The following DPYD variants were observed in gnomAD, a reference collection of about 807,000 sequenced individuals.
DPYD encodes dihydropyrimidine dehydrogenase [NADP(+)].
A neutral mutation model predicts 116.2 loss-of-function variants in DPYD; 109 were observed. The observed-to-expected ratio is 0.94, with a 90% CI of 0.80 to 1.10. DPYD has a LOEUF of 1.10. DPYD is among the 50% of genes least tolerant of loss of function. The pLI is 0.00. For missense variants in DPYD, 1,302 were observed against 1,254.5 expected (o/e 1.04, Z -0.57); for synonymous variants, 440 against 432.0 (o/e 1.02, Z -0.23).
chr1:97,142,595 A>G (rs573542674), intron 20 of DPYD, among the ~76,000 whole-genome samples: 25 of 152,170 alleles, frequency 1.6e-4, no homozygotes, highest in Admixed American at 3.3e-4. Context: ...ACTTTCCTTC[A>G]TCAGTAGTAG....
In DPYD at chr1:97,689,068, CT is replaced by C. The variant is rs200273261; in HGVS notation, c.762+2648del. 5.5e-3 allele frequency among the ~76,000 whole-genome samples: 775 copies of C among 142,060 alleles called. 1 individual carries two copies. Among genetic ancestry groups the C allele is most frequent in the African/African-American group, 0.011 (429 of 38,912 alleles). 93.2% of individuals were successfully genotyped at this position (142,060 alleles called of 152,430 possible). On this transcript the variant is annotated intron_variant, in intron 7 of 22. Transcript: ENST00000370192. ...AAAAAGAATTCCATGTATTATACCTCTTTTTTTTTTTAACATACTAGATATT... is the reference window on the plus strand; with the variant it reads ...AAAAAGAATTCCATGTATTATACCTCTTTTTTTTTTAACATACTAGATATT...
intron 20 of DPYD, among the ~76,000 whole-genome samples, chr1:97,137,212 A>G (rs1050022236): frequency 6.6e-6 from 1 of 152,224 alleles, no homozygotes; most frequent in African/African-American, 2.4e-5. Flanking sequence ...TACACCAGAC[A>G]CGGGCCTCAA....
chr1:97,631,916 C>T (rs533358226), intron 8 of DPYD, among the ~76,000 whole-genome samples: 34 of 151,736 alleles, frequency 2.2e-4, no homozygotes, highest in Non-Finnish European at 3.1e-4. Flanking sequence ...TTTAAAGACC[C>T]CTTTGAAATT....
intron 18 of DPYD, among the ~76,000 whole-genome samples, chr1:97,239,182 C>G (rs1013178393): frequency 3.9e-5 from 6 of 152,064 alleles, no homozygotes; most frequent in Admixed American, 6.6e-5. Context: ...CTTAGATAAA[C>G]TACACAGAAC....
chr1:97,816,779 T>C (rs1470189280), intron 3 of DPYD, among the ~76,000 whole-genome samples: 1 of 152,170 alleles, frequency 6.6e-6, no homozygotes, highest in East Asian at 1.9e-4. Context: ...GTTTAATTCC[T>C]AATCACACTA....
At chr1:97,129,069 C>CTTTT (rs532541559) in intron 20 of DPYD, among the ~76,000 whole-genome samples, 4 of 135,004 alleles carry the variant, frequency 3.0e-5, no homozygotes, top group African/African-American at 8.0e-5. Flanking sequence ...CTGCTGTATT[C>CTTTT]TTTTTTTTTT....
chr1:97,895,855 T>C (rs1000269167), intron 1 of DPYD, among the ~76,000 whole-genome samples: 6 of 151,784 alleles, frequency 4.0e-5, no homozygotes, highest in African/African-American at 1.4e-4. Flanking sequence ...ATTTAAACAG[T>C]AGTATTAGCT....
At chr1:97,556,404 T>C (rs1651715278) in intron 11 of DPYD, among the ~76,000 whole-genome samples, 1 of 151,200 alleles carries the variant, frequency 6.6e-6, no homozygotes, top group East Asian at 1.9e-4. Flanking sequence ...GTGCACATTG[T>C]GCAGGTTAGT....
Position 97,376,887 on chromosome 1 carries a change from G to GTGTGTGTGTATATATATATATATA in DPYD, c.1975-3244_1975-3243insTATATATATATATATACACACACA. ...AGTTTGTGTGTGTGTGTGTGTGTGT[G>GTGTGTGTGTATATATATATATATA]TATATATATATATATGGTGTGGACT... is the stretch of plus-strand genomic sequence containing the variant. On this transcript the variant is annotated intron_variant, in intron 15 of 22. Transcript: ENST00000370192. Among the ~76,000 whole-genome samples, 8 of 128,450 alleles carry GTGTGTGTGTATATATATATATATA rather than the reference G, an allele frequency of 6.2e-5. No homozygotes were observed. The East Asian group carries it at 7.8e-4, about 12-fold the overall frequency. 84.3% of individuals were successfully genotyped at this position (128,450 alleles called of 152,430 possible). A position where few individuals can be genotyped will look rare whatever the true frequency, so the allele number is the denominator to read the frequency against.
Position 97,412,119 on chromosome 1 carries a change from T to C in DPYD, c.1906-29658A>G, listed in dbSNP as rs554407511. Among the ~76,000 whole-genome samples, 3 of 152,310 alleles carry C rather than the reference T, an allele frequency of 2.0e-5. No homozygotes were observed. In the East Asian group the frequency reaches 5.8e-4, roughly 29 times the overall value. On this transcript the variant is annotated intron_variant, in intron 14 of 22. Coordinates refer to ENST00000370192, the MANE Select transcript of DPYD (RefSeq NM_000110.4). ...AATTCAACTAGTCATTTCATAATTT[T>C]TTTCTAATGTGAATGTTAGCTATTT...
chr1:97,103,448 C>G (rs940084672), intron 20 of DPYD, among the ~76,000 whole-genome samples: 43 of 152,086 alleles, frequency 2.8e-4, no homozygotes, highest in Non-Finnish European at 8.8e-5. Context: ...GAAAGTCCAT[C>G]TACATATTAC....
At chr1:97,771,808 T>C (rs1410635002) in intron 3 of DPYD, among the ~76,000 whole-genome samples, 1 of 152,154 alleles carries the variant, frequency 6.6e-6, no homozygotes, top group African/African-American at 2.4e-5. Flanking sequence ...AAAAAGCCAT[T>C]GCTGTTTCAA....
At chr1:97,461,338 G>T (rs776437505) in intron 13 of DPYD, among the ~76,000 whole-genome samples, 1 of 152,112 alleles carries the variant, frequency 6.6e-6, no homozygotes, top group Non-Finnish European at 1.5e-5. Context: ...TGTTAAATCT[G>T]TCTACTTTCA....
At chr1:97,706,374 T>C (rs1028109486) in intron 5 of DPYD, among the ~76,000 whole-genome samples, 2 of 151,990 alleles carry the variant, frequency 1.3e-5, no homozygotes, top group African/African-American at 2.4e-5. Context: ...ATCCTCTCCA[T>C]AGTGGTACAT....
intron 18 of DPYD, among the ~76,000 whole-genome samples, chr1:97,252,432 G>A (rs1028319294): frequency 5.9e-5 from 9 of 152,150 alleles, no homozygotes; most frequent in Non-Finnish European, 1.5e-5. Flanking sequence ...TTCCACATTC[G>A]TAGATGCTCT....
At chr1:97,534,317 C>T (rs987279507) in intron 12 of DPYD, among the ~76,000 whole-genome samples, 8 of 152,082 alleles carry the variant, frequency 5.3e-5, no homozygotes, top group Non-Finnish European at 1.5e-5. Flanking sequence ...ATAAGAATCA[C>T]AAAAAGTCCA....
At chr1:97,348,636 G>A (rs1435748645) in intron 16 of DPYD, among the ~76,000 whole-genome samples, 1 of 152,146 alleles carries the variant, frequency 6.6e-6, no homozygotes, top group Non-Finnish European at 1.5e-5. Flanking sequence ...TTGCCTGGAA[G>A]GCTCATCCAC....
chr1:97,096,950 C>G (rs932628165), intron 21 of DPYD, among the ~76,000 whole-genome samples: 2 of 152,060 alleles, frequency 1.3e-5, no homozygotes, highest in African/African-American at 4.8e-5. Context: ...TCGAAGTCAG[C>G]GAGACCATGA....
rs72977734 is a variant in DPYD at position 97,720,909 on chromosome 1, G to C, written c.483+601C>G. 1.1e-3 allele frequency: 1,694 copies of C among 1,609,662 alleles called. 12 individuals carry two copies. In the African/African-American group the frequency reaches 0.02, roughly 19 times the overall value. ...GTCTTTACAAATGATTCATTAAAGA[G>C]AAAGCCAGGATCAAAGTCTATGGGA... On this transcript the variant is annotated intron_variant, in intron 5 of 22. Coordinates refer to ENST00000370192, the MANE Select transcript of DPYD (RefSeq NM_000110.4).
Sources: allele counts gnomAD v4.1 joint callset (sites outside exome capture counted in the v4.1 genomes callset), GRCh38; gene constraint gnomAD v4.1.1; transcripts MANE v1.5; gene names NCBI Gene and HGNC (gene_info 2026-07-23, HGNC 2026-07-21).